HYDIN: variants seen among roughly 807,000 people sequenced by gnomAD.
The protein encoded by HYDIN is HYDIN axonemal central pair apparatus protein, also known as axonemal central pair apparatus protein HYDIN.
HYDIN carries 132 observed loss-of-function variants against 403.9 expected under a neutral mutation model. That is an observed-to-expected ratio of 0.33 (90% CI 0.28 to 0.38). The LOEUF (loss-of-function observed/expected upper bound fraction) is 0.38. HYDIN is among the 10% of genes least tolerant of loss of function. The pLI is 1.00. For missense variants in HYDIN, 2,827 were observed against 5,009.5 expected, an observed-to-expected ratio of 0.56 and a Z score of 13.15; for synonymous variants, 1,202 against 1,891.7, an observed-to-expected ratio of 0.64 and a Z score of 9.46.
intron 1 of HYDIN, among the ~76,000 whole-genome samples, chr16:71,213,003 T>C (rs777176881): frequency 1.1e-4 from 17 of 152,068 alleles, no homozygotes; most frequent in Admixed American, 1.0e-3. Context: ...TCTCAATAGA[T>C]TGGAAGCCAG....
chr16:71,114,417 T>C (rs1234162136), intron 10 of HYDIN, among the ~76,000 whole-genome samples: 3 of 151,440 alleles, frequency 2.0e-5, no homozygotes, highest in African/African-American at 7.3e-5. Context: ...TATCATTCTT[T>C]GAGCATTTCC....
intron 4 of HYDIN, among the ~76,000 whole-genome samples, chr16:71,177,432 A>G (rs887495393): frequency 7.2e-5 from 11 of 152,190 alleles, no homozygotes; most frequent in African/African-American, 1.9e-4. Flanking sequence ...GTGTACCTCC[A>G]GTTCTTTTCC....
chr16:71,100,345 G>A (rs2083420524), intron 10 of HYDIN, among the ~76,000 whole-genome samples: 2 of 152,196 alleles, frequency 1.3e-5, no homozygotes, highest in African/African-American at 4.8e-5. Flanking sequence ...TAAATTCAAT[G>A]TACTGCTAAA....
intron 23 of HYDIN, among the ~76,000 whole-genome samples, chr16:71,012,856 T>C (rs548810238): frequency 6.6e-6 from 1 of 151,204 alleles, no homozygotes; most frequent in African/African-American, 2.4e-5. Context: ...GCTTTTTTTT[T>C]TTTTTTTTGT....
intron 40 of HYDIN, 28 bp downstream of exon 40, chr16:70,955,347 A>T (rs2078199851): frequency 2.0e-6 from 3 of 1,531,712 alleles, no homozygotes; most frequent in African/African-American, 2.8e-5. Context: ...TGACTTGACC[A>T]CAAAAACCCA....
At position 71,207,138 on chromosome 16, in the gene HYDIN, G is replaced by T. The variant is rs2088340709; in HGVS notation, c.-23-20220C>A. Among the ~76,000 whole-genome samples, 4 of 152,142 alleles carry T rather than the reference G, an allele frequency of 2.6e-5. No homozygotes were observed. In the South Asian group the frequency reaches 8.3e-4, roughly 32 times the overall value. ...GACACATAATCATGAGCCCTCCAAG[G>T]TTGAAATGAAGGAAAAAATGTTAAA... On this transcript the variant is annotated intron_variant, in intron 1 of 85. Coordinates refer to ENST00000393567, the MANE Select transcript of HYDIN (RefSeq NM_001270974.2).
chr16:71,191,699 T>C, intron 1 of HYDIN, among the ~76,000 whole-genome samples: 1 of 152,134 alleles, frequency 6.6e-6, no homozygotes, highest in East Asian at 1.9e-4. Flanking sequence ...CAGCTATTTC[T>C]CTTCCTGCCA....
intron 13 of HYDIN, among the ~76,000 whole-genome samples, chr16:71,070,809 G>A (rs1317698188): frequency 8.2e-6 from 1 of 122,620 alleles, no homozygotes; most frequent in East Asian, 2.5e-4. Context: ...AGTAATGACT[G>A]TTGCTGTCGG....
At chr16:70,942,959 T>C (rs1434638819) in intron 42 of HYDIN, among the ~76,000 whole-genome samples, 2 of 152,134 alleles carry the variant, frequency 1.3e-5, no homozygotes, top group African/African-American at 2.4e-5. Flanking sequence ...GTACCTTTAA[T>C]GTAGTAGCAG....
rs543898173 is a variant in HYDIN at position 70,877,421 on chromosome 16, G to T, written c.10557+1876C>A. 1.9e-3 allele frequency among the ~76,000 whole-genome samples: 285 copies of T among 152,320 alleles called. 2 individuals are homozygous for T. Among genetic ancestry groups the T allele is most frequent in the African/African-American group, 6.4e-3 (266 of 41,558 alleles). ...TCATAGTAAAACTGTAGAAAACAAA[G>T]TGAAAAGGTAAAAGGCAGTCAGAAA... On this transcript the variant is annotated intron_variant, in intron 62 of 85. Transcript: ENST00000393567.
chr16:70,983,914 C>T (rs1288096511), intron 28 of HYDIN, among the ~76,000 whole-genome samples: 1 of 151,428 alleles, frequency 6.6e-6, no homozygotes, highest in East Asian at 1.9e-4. Flanking sequence ...CAAAAATTGT[C>T]ATCTACTTTT....
chr16:70,947,399 C>T (rs576972742), intron 41 of HYDIN, among the ~76,000 whole-genome samples: 6,879 of 151,892 alleles, frequency 0.045, 498 homozygotes, highest in African/African-American at 0.16. Context: ...CCCACTTGAT[C>T]ATGGTGGATA....
chr16:70,808,163 T>C (rs1469521962), intron 85 of HYDIN, 101 bp from the exon 86 acceptor site: 27 of 1,331,350 alleles, frequency 2.0e-5, no homozygotes, highest in African/African-American at 1.5e-5. Context: ...ATCAAGCAAC[T>C]ATGTCTGTGT....
At position 70,840,181 on chromosome 16, in the gene HYDIN, G is replaced by A. The variant is rs1455760595; in HGVS notation, c.12926C>T (p.Pro4309Leu). ...MCNISGCAVS[P>L]AIHFSFTSYN... ...GCTGGTGAAGGAGAAATGGATAGCC[G>A]GGCTCACAGCACAGCCTGAGATGTT... Residue 4309 changes from proline to leucine, a missense_variant, in exon 76 of 86, where the codon CCG becomes CTG. Physicochemically the swap from Pro to Leu is moderately conservative, Grantham distance 98 (BLOSUM62 -3). Coordinates refer to ENST00000393567, the MANE Select transcript of HYDIN (RefSeq NM_001270974.2). The A allele has an allele frequency of 8.3e-6, 8 of 965,280 alleles. No homozygotes were observed. Among genetic ancestry groups the A allele is most frequent in the African/African-American group, 3.9e-5 (2 of 51,324 alleles). 59.8% of individuals were successfully genotyped at this position (965,280 alleles called of 1,614,324 possible). A position where few individuals can be genotyped will look rare whatever the true frequency, so the allele number is the denominator to read the frequency against.
chr16:71,052,403 G>A (rs1393322728), intron 18 of HYDIN, among the ~76,000 whole-genome samples: 2 of 152,036 alleles, frequency 1.3e-5, no homozygotes, highest in African/African-American at 4.8e-5. Context: ...GAAAGAGTAT[G>A]CAAGAACTGG....
chr16:70,835,084 G>A (rs1392207931), intron 78 of HYDIN, among the ~76,000 whole-genome samples: 5 of 144,788 alleles, frequency 3.5e-5, no homozygotes, highest in Non-Finnish European at 6.0e-5. Flanking sequence ...TGCAACCTCC[G>A]CCTCCTGGGT....
At chr16:71,197,322 G>A (rs1356300661) in intron 1 of HYDIN, among the ~76,000 whole-genome samples, 5 of 152,144 alleles carry the variant, frequency 3.3e-5, no homozygotes, top group East Asian at 1.9e-4. Flanking sequence ...GAGGAGTAAA[G>A]ATGAAACTCA....
intron 6 of HYDIN, among the ~76,000 whole-genome samples, chr16:71,161,671 G>C (rs913152796): frequency 1.7e-4 from 26 of 151,814 alleles, no homozygotes; most frequent in African/African-American, 6.3e-4. Context: ...GTTACACTGG[G>C]CTCATCCAGT....
chr16:71,139,571 T>C (rs1165178724), intron 7 of HYDIN, among the ~76,000 whole-genome samples: 1 of 151,850 alleles, frequency 6.6e-6, no homozygotes, highest in African/African-American at 2.4e-5. Flanking sequence ...AGCCACACTC[T>C]AGGACCTACA....
Sources: allele counts gnomAD v4.1 joint callset (sites outside exome capture counted in the v4.1 genomes callset), GRCh38; gene constraint gnomAD v4.1.1; transcripts MANE v1.5; gene names NCBI Gene and HGNC (gene_info 2026-07-23, HGNC 2026-07-21).